The following BOP1 variants were observed in gnomAD, a reference collection of about 807,000 sequenced individuals.
The protein encoded by BOP1 is ribosome biogenesis protein BOP1.
A neutral mutation model predicts 82.9 loss-of-function variants in BOP1; 54 were observed. The observed-to-expected ratio is 0.65, with a 90% CI of 0.52 to 0.82. The LOEUF is 0.82. BOP1 is among the 40% of genes least tolerant of loss of function. BOP1 has a pLI of 0.00. For synonymous variants in BOP1, 566 were observed against 451.1 expected (o/e 1.25, Z -3.23); for missense variants, 1,170 against 1,072.0 (o/e 1.09, Z -1.28).
chr8:144,276,359 C>A, intron 2 of BOP1, 55 bp from the exon 3 acceptor site: 2 of 1,591,754 alleles, frequency 1.3e-6, no homozygotes, highest in Non-Finnish European at 1.7e-6. Context: ...ACCCTTTGAC[C>A]TTGGGGGGAT....
intron 11 of BOP1, 21 bp from the exon 12 acceptor site, chr8:144,263,422 C>T (rs903007049): frequency 2.3e-5 from 36 of 1,597,820 alleles, no homozygotes; most frequent in Middle Eastern, 1.9e-4. Flanking sequence ...GGCCCAGACA[C>T]GGCCCCTAAG....
intron 1 of BOP1, 93 bp from the exon 2 acceptor site, chr8:144,289,397 C>T (rs1554839864): frequency 1.7e-5 from 23 of 1,346,676 alleles, no homozygotes; most frequent in Non-Finnish European, 2.3e-5. Context: ...CTCCAGCCAC[C>T]CACCAGCAGC....
chr8:144,265,335 T>A lies in BOP1; in HGVS notation c.391-264A>T, dbSNP rs2130202200. On this transcript the variant is annotated intron_variant, in intron 3 of 15. Transcript: ENST00000569669. ...ACTGAAGTGGTGCCAACCCCAGAGC[T>A]CCCCCCTCACTGGATTCCTTGGCCA... 6 of 558,846 alleles carry A rather than the reference T, an allele frequency of 1.1e-5. No individual in the cohort carries two copies. In the East Asian group the frequency reaches 1.8e-4, roughly 17 times the overall value. The allele number at this position is 558,846 out of a possible 1,614,324, so 34.6% of individuals were successfully genotyped here.
chr8:144,275,759 T>C (rs1447419836), intron 3 of BOP1, among the ~76,000 whole-genome samples: 2 of 151,888 alleles, frequency 1.3e-5, no homozygotes, highest in African/African-American at 2.4e-5. Context: ...CATTAGGAGG[T>C]GGCCCTGGCC....
At chr8:144,279,373 C>T (rs896733395) in intron 2 of BOP1, among the ~76,000 whole-genome samples, 4 of 108,448 alleles carry the variant, frequency 3.7e-5, no homozygotes, top group Non-Finnish European at 5.9e-5. Context: ...AAGACCACCA[C>T]GGGCCAAGAC....
chr8:144,291,367 C>T lies in BOP1; in HGVS notation c.4G>A (p.Ala2Thr). Residue 2 changes from alanine to threonine, a missense_variant, in exon 1 of 16, where the codon GCG becomes ACG. Coordinates refer to ENST00000569669, the MANE Select transcript of BOP1 (RefSeq NM_015201.5). The surrounding 1 kb of genome is among the most constrained non-coding windows in gnomAD (Gnocchi z 4.1). M[A>T]GSRGAGRTAA... ...GTGCGCCCCGCACCCCGCGAACCCG[C>T]CATGCCCCACCGCGCGCCGGCCGCC... The T allele has an allele frequency of 1.6e-6, 2 of 1,230,406 alleles. No homozygotes were observed. The highest frequency in any genetic ancestry group is 2.0e-6 in the Non-Finnish European group (2 of 989,316). 76.2% of individuals were successfully genotyped at this position (1,230,406 alleles called of 1,614,324 possible).
intron 2 of BOP1, among the ~76,000 whole-genome samples, chr8:144,283,062 G>C (rs1043570519): frequency 8.6e-5 from 13 of 151,466 alleles, no homozygotes; most frequent in African/African-American, 3.1e-4. Context: ...CCCGAGCGTG[G>C]TGGCTGGCAT....
At chr8:144,268,168 C>G (rs1263949197) in intron 3 of BOP1, 1 of 1,550,224 alleles carries the variant, frequency 6.5e-7, no homozygotes, top group South Asian at 1.2e-5. Context: ...AGCCAGGAGG[C>G]AGACGCTGCT....
At chr8:144,271,411 G>C (rs1051258618) in intron 3 of BOP1, among the ~76,000 whole-genome samples, 2 of 152,072 alleles carry the variant, frequency 1.3e-5, no homozygotes, top group Non-Finnish European at 2.9e-5. Flanking sequence ...TCCCCCGGGA[G>C]CGTGGGGTCA....
At chr8:144,268,071 C>T (rs1224528470) in intron 3 of BOP1, 4 of 1,549,500 alleles carry the variant, frequency 2.6e-6, no homozygotes, top group South Asian at 2.4e-5. Flanking sequence ...CTGGGCTCTG[C>T]CGGGGCCTGA....
At chr8:144,266,761 C>T in intron 3 of BOP1, 1 of 1,073,596 alleles carries the variant, frequency 9.3e-7, no homozygotes. Context: ...CTGCGGCCTC[C>T]AGGGCGCCCG....
At chr8:144,270,566 G>A (rs972300514) in intron 3 of BOP1, among the ~76,000 whole-genome samples, 64 of 152,208 alleles carry the variant, frequency 4.2e-4, no homozygotes, top group African/African-American at 1.4e-3. Context: ...CCGAGGGCCC[G>A]GCCCGCCAGC....
In BOP1 at chr8:144,263,484, G is replaced by A. The variant is rs1355607703; in HGVS notation, c.1418C>T (p.Ala473Val). 1.3e-6 allele frequency: 2 copies of A among 1,598,300 alleles called. No individual in the cohort carries two copies. Among genetic ancestry groups the A allele is most frequent in the East Asian group, 2.2e-5 (1 of 44,852 alleles). The change falls in exon 11 of 16, where the codon GCA becomes GTA. Residue 473 changes from alanine (A) to valine (V), a missense_variant. Transcript: ENST00000569669. ...CCCCAGGGCCTCCACTTACACGGCT[G>A]CAGCCACCAGGCAGACAGCGGGGCT... Reference protein sequence around the residue: ...NPSPAVCLVAAAVEDSVLLLN... With the variant: ...NPSPAVCLVAVAVEDSVLLLN...
intron 3 of BOP1, chr8:144,267,036 G>A (rs1322658346): frequency 6.0e-6 from 9 of 1,505,002 alleles, no homozygotes; most frequent in Non-Finnish European, 7.9e-6. Context: ...GCGACGGACA[G>A]CCCTGCCACT....
chr8:144,263,677 C>T lies in BOP1; in HGVS notation c.1291+15G>A, dbSNP rs1845289789. 7.6e-6 allele frequency: 12 copies of T among 1,582,218 alleles called. No homozygotes were observed. The highest frequency in any genetic ancestry group is 1.0e-5 in the Non-Finnish European group (12 of 1,165,704). On this transcript the variant is annotated intron_variant, in intron 10 of 15. Transcript: ENST00000569669. ...CCTGCCCCCCAGCTCAAGGCTGCCCCCAGCTCGGACCCACCTGAAACCAGC... is the reference window on the plus strand; with the variant it reads ...CCTGCCCCCCAGCTCAAGGCTGCCCTCAGCTCGGACCCACCTGAAACCAGC...
At chr8:144,272,657 C>A (rs1554837928) in intron 3 of BOP1, among the ~76,000 whole-genome samples, 1 of 152,140 alleles carries the variant, frequency 6.6e-6, no homozygotes. Context: ...ACCCTTGCAG[C>A]CCACAAGCAG....
chr8:144,274,966 A>C (rs1845546662), intron 3 of BOP1, among the ~76,000 whole-genome samples: 1 of 152,190 alleles, frequency 6.6e-6, no homozygotes, highest in Non-Finnish European at 1.5e-5. Flanking sequence ...CCCCGCTCTG[A>C]GTGAGCCCGC....
At chr8:144,281,055 CTCACTTTCATACCAGGTCTTCGGCCTTCT>C (rs2130252075) in intron 2 of BOP1, among the ~76,000 whole-genome samples, 1 of 151,244 alleles carries the variant, frequency 6.6e-6, no homozygotes, top group East Asian at 1.9e-4. Context: ...TAGGCCTTCT[CTCACTTTCATACCAGGTCTTCGGCCTTCT>C]CTCACTTTAA....
In BOP1 at chr8:144,264,229, T is replaced by G; in HGVS notation, c.974A>C (p.Glu325Ala). The change falls in exon 7 of 16, where the codon GAG becomes GCG. Residue 325 changes from glutamate to alanine, a missense_variant. Physicochemically the swap from Glu to Ala is moderately radical, Grantham distance 107 (BLOSUM62 -1). Coordinates refer to ENST00000569669, the MANE Select transcript of BOP1 (RefSeq NM_015201.5). Reference protein sequence around the residue: ...NPPPEYLLSEEERLAWEQQEP... With the variant: ...NPPPEYLLSEAERLAWEQQEP... Reference sequence around the variant, plus strand: ...GCCCCCAGGATGCAGGCCCACCTCCTCCTCGCTGAGCAGGTATTCAGGGGG... The same window carrying G: ...GCCCCCAGGATGCAGGCCCACCTCCGCCTCGCTGAGCAGGTATTCAGGGGG... 6.2e-7 allele frequency: 1 copy of G among 1,608,034 alleles called. No homozygotes were observed. The highest frequency in any genetic ancestry group is 2.2e-5 in the East Asian group (1 of 44,730).
Sources: gnomAD v4.1 joint callset for allele counts (sites outside exome capture counted in the v4.1 genomes callset) on GRCh38, gnomAD v4.1.1 for gene constraint, Gnocchi (gnomAD v3.1) non-coding constraint, MANE v1.5 for transcripts, NCBI Gene and HGNC (gene_info 2026-07-23, HGNC 2026-07-21) for gene names.